The following RPS6KA2 variants were observed in gnomAD, a reference collection of about 807,000 sequenced individuals.
RPS6KA2 encodes ribosomal protein S6 kinase alpha-2.
Under a neutral mutation model 91.8 loss-of-function variants are expected in RPS6KA2, and 42 were observed. That is an observed-to-expected ratio of 0.46 (90% confidence interval 0.36 to 0.59). RPS6KA2 has a LOEUF of 0.59. RPS6KA2 is among the 20% of genes least tolerant of loss of function. The pLI, the probability that RPS6KA2 is intolerant of heterozygous loss-of-function variation, is 0.00. For synonymous variants in RPS6KA2, 414 were observed against 393.6 expected, an observed-to-expected ratio of 1.05 and a Z score of -0.61; for missense variants, 798 against 978.5, an observed-to-expected ratio of 0.82 and a Z score of 2.46.
intron 2 of RPS6KA2, among the ~76,000 whole-genome samples, chr6:166,673,236 A>G (rs558213252): frequency 1.6e-4 from 24 of 152,196 alleles, no homozygotes; most frequent in Non-Finnish European, 3.5e-4. Flanking sequence ...AGACCCAGGA[A>G]GGCCTCCTCT....
chr6:166,848,251 A>G (rs553317010), intron 2 of RPS6KA2, among the ~76,000 whole-genome samples: 1 of 152,320 alleles, frequency 6.6e-6, no homozygotes, highest in African/African-American at 2.4e-5. Context: ...TAAAAAATCA[A>G]AAAATAATAG....
At chr6:166,589,861 T>G (rs1226510576) in intron 1 of RPS6KA2, among the ~76,000 whole-genome samples, 1 of 152,154 alleles carries the variant, frequency 6.6e-6, no homozygotes, top group Admixed American at 6.5e-5. Context: ...AACTGTGGCA[T>G]GAACAGAATG....
At chr6:166,785,379 T>A (rs551145222) in intron 2 of RPS6KA2, among the ~76,000 whole-genome samples, 3 of 152,360 alleles carry the variant, frequency 2.0e-5, no homozygotes, top group Non-Finnish European at 2.9e-5. Flanking sequence ...AAGATGTGTA[T>A]AGGGCAGGGA....
rs778875651 is a variant in RPS6KA2 at position 166,411,249 on chromosome 6, G to A, written c.*1513C>T. 6.6e-6 allele frequency: 1 copy of A among 151,350 alleles called. No homozygotes were observed. The highest frequency in any genetic ancestry group is 1.5e-5 in the Non-Finnish European group (1 of 67,882). 9.4% of individuals were successfully genotyped at this position (151,350 alleles called of 1,614,324 possible). A position where few individuals can be genotyped will look rare whatever the true frequency, so the allele number is the denominator to read the frequency against. ...TTTTTTTTAGTTGGGTACGAGAATC[G>A]AGATGGAGGGGGAACAAAACCCAAC... On this transcript the variant is annotated 3_prime_UTR_variant, in exon 21 of 21. Transcript: ENST00000265678. This position sits in a 1 kb window ranked among gnomAD's most constrained non-coding sequence, Gnocchi z 4.5.
In RPS6KA2 at chr6:166,765,340, C is replaced by T. The variant is rs574614129; in HGVS notation, c.123+92860G>A. ...CCCTCAAGTAGAGGATGCTCCGGGA[C>T]GCGTGGTGACGACCCACGGCCACGA... On this transcript the variant is annotated intron_variant, in intron 2 of 21. Transcript: ENST00000503859. 3.3e-5 allele frequency among the ~76,000 whole-genome samples: 5 copies of T among 152,178 alleles called. No homozygotes were observed. The East Asian group carries it at 7.7e-4, about 23-fold the overall frequency.
intron 2 of RPS6KA2, among the ~76,000 whole-genome samples, chr6:166,655,830 C>T (rs1337593231): frequency 6.6e-6 from 1 of 152,200 alleles, no homozygotes; most frequent in Non-Finnish European, 1.5e-5. Flanking sequence ...TGAAGATGTG[C>T]AGGCCCACGG....
At chr6:166,783,855 A>G (rs1356530718) in intron 2 of RPS6KA2, among the ~76,000 whole-genome samples, 1 of 91,030 alleles carries the variant, frequency 1.1e-5, no homozygotes, top group Non-Finnish European at 2.2e-5. Flanking sequence ...TATACCACAT[A>G]TGCACACGTG....
At chr6:166,622,894 T>C (rs142546079) in intron 1 of RPS6KA2, among the ~76,000 whole-genome samples, 1 of 152,244 alleles carries the variant, frequency 6.6e-6, no homozygotes, top group African/African-American at 2.4e-5. Flanking sequence ...TTGTTAGACA[T>C]TAAGCTCACT....
At chr6:166,578,201 C>T (rs147218270) in intron 1 of RPS6KA2, among the ~76,000 whole-genome samples, 1 of 152,276 alleles carries the variant, frequency 6.6e-6, no homozygotes, top group East Asian at 1.9e-4. Context: ...GGTTTCCTGA[C>T]CCTCAAGATG....
Position 166,702,594 on chromosome 6 carries a change from T to C in RPS6KA2, c.123+155606A>G, listed in dbSNP as rs376234839. On this transcript the variant is annotated intron_variant, in intron 2 of 21. Coordinates refer to the RPS6KA2 transcript ENST00000503859. ...GAGGAGGGATATTTCGTATCTGAAG[T>C]TTCCGAATCCTTTGCCTTTTTGGGA... 9.1e-6 allele frequency: 14 copies of C among 1,531,470 alleles called. No homozygotes were observed. The African/African-American group carries it at 1.9e-4, about 21-fold the overall frequency. 94.9% of individuals were successfully genotyped at this position (1,531,470 alleles called of 1,614,324 possible). A position where few individuals can be genotyped will look rare whatever the true frequency, so the allele number is the denominator to read the frequency against.
chr6:166,468,590 G>A (rs1025999132), intron 11 of RPS6KA2, among the ~76,000 whole-genome samples: 2 of 152,132 alleles, frequency 1.3e-5, no homozygotes, highest in African/African-American at 4.8e-5. Context: ...GAGGCCGGGC[G>A]CGGTGGCTCA....
intron 3 of RPS6KA2, among the ~76,000 whole-genome samples, chr6:166,513,458 G>A (rs567121814): frequency 5.9e-5 from 9 of 152,314 alleles, no homozygotes; most frequent in African/African-American, 2.2e-4. Context: ...AGACCTTGGG[G>A]AGCATGCAAT....
chr6:166,489,792 A>G (rs915977496), intron 9 of RPS6KA2, among the ~76,000 whole-genome samples: 1 of 152,066 alleles, frequency 6.6e-6, no homozygotes, highest in Non-Finnish European at 1.5e-5. Context: ...TTCCATCTAC[A>G]TAAGGACCGA....
At chr6:166,550,812 C>G (rs995583851) in intron 1 of RPS6KA2, among the ~76,000 whole-genome samples, 1 of 151,954 alleles carries the variant, frequency 6.6e-6, no homozygotes, top group Non-Finnish European at 1.5e-5. Flanking sequence ...ACCATCCTGG[C>G]TAACACGGTG....
chr6:166,701,412 T>G, intron 2 of RPS6KA2: 1 of 1,283,626 alleles, frequency 7.8e-7, no homozygotes, highest in Non-Finnish European at 1.1e-6. Context: ...TCTTCTTTCA[T>G]TTTTCCATAA....
intron 10 of RPS6KA2, among the ~76,000 whole-genome samples, chr6:166,473,093 G>C (rs1368578409): frequency 6.6e-6 from 1 of 152,158 alleles, no homozygotes; most frequent in Non-Finnish European, 1.5e-5. Context: ...GTTTATCTGG[G>C]TCTGTGTCTC....
chr6:166,435,889 C>T lies in RPS6KA2; in HGVS notation c.1333-3399G>A, dbSNP rs181010114. Among the ~76,000 whole-genome samples, 567 of 152,318 alleles carry T rather than the reference C, an allele frequency of 3.7e-3. No individual in the cohort carries two copies. Among genetic ancestry groups the T allele is most frequent in the African/African-American group, 0.013 (543 of 41,576 alleles). ...GGGAGGCCACGTGCTGCGTGGTTGG[C>T]GGCCCAGCCGCTGAGCCAGTCTGAG... On this transcript the variant is annotated intron_variant, in intron 14 of 20. Transcript: ENST00000265678. This position sits in a 1 kb window ranked among gnomAD's most constrained non-coding sequence, Gnocchi z 4.3.
chr6:166,621,178 C>A (rs1786615574), intron 1 of RPS6KA2, among the ~76,000 whole-genome samples: 2 of 152,202 alleles, frequency 1.3e-5, no homozygotes, highest in South Asian at 2.1e-4. Flanking sequence ...ATGCAAATGA[C>A]TGCATAACAT....
At chr6:166,580,625 T>C (rs1345199899) in intron 1 of RPS6KA2, among the ~76,000 whole-genome samples, 1 of 152,164 alleles carries the variant, frequency 6.6e-6, no homozygotes, top group Non-Finnish European at 1.5e-5. Flanking sequence ...TTGTATGTGA[T>C]CAAACTAAGC....
Sources: gnomAD v4.1 joint callset for allele counts (sites outside exome capture counted in the v4.1 genomes callset) on GRCh38, gnomAD v4.1.1 for gene constraint, Gnocchi (gnomAD v3.1) non-coding constraint, MANE v1.5 for transcripts, NCBI Gene and HGNC (gene_info 2026-07-23, HGNC 2026-07-21) for gene names.